Variants in TRAPPC9 observed in about 807,000 individuals in gnomAD.
TRAPPC9 encodes the protein IKK2 binding protein.
TRAPPC9 carries 83 observed loss-of-function variants against 124.0 expected under a neutral mutation model. That is an observed-to-expected ratio of 0.67 (90% CI 0.56 to 0.80). The LOEUF is 0.80. Ranked by LOEUF, TRAPPC9 falls within the 30% of genes least tolerant of loss-of-function variation. TRAPPC9 has a pLI of 0.00. For missense variants in TRAPPC9, 1,302 were observed against 1,508.3 expected, an observed-to-expected ratio of 0.86 and a Z score of 2.27; for synonymous variants, 638 against 617.5, an observed-to-expected ratio of 1.03 and a Z score of -0.49.
chr8:140,228,042 G>A (rs537578274), intron 16 of TRAPPC9, among the ~76,000 whole-genome samples: 2 of 152,318 alleles, frequency 1.3e-5, no homozygotes, highest in East Asian at 1.9e-4. Context: ...TACACCATGC[G>A]TTCCACTAAA....
At chr8:140,169,297 G>GT (rs2061913560) in intron 17 of TRAPPC9, among the ~76,000 whole-genome samples, 1 of 152,178 alleles carries the variant, frequency 6.6e-6, no homozygotes, top group African/African-American at 2.4e-5. Flanking sequence ...ACAAGTGTTG[G>GT]TAAGGGTGTG....
At chr8:140,213,692 A>C (rs997652270) in intron 17 of TRAPPC9, among the ~76,000 whole-genome samples, 1 of 152,128 alleles carries the variant, frequency 6.6e-6, no homozygotes, top group African/African-American at 2.4e-5. Flanking sequence ...ATGTTAAGAG[A>C]TAAGATGTTG....
intron 21 of TRAPPC9, among the ~76,000 whole-genome samples, chr8:139,807,792 A>C (rs1174852825): frequency 6.6e-6 from 1 of 151,918 alleles, no homozygotes; most frequent in Non-Finnish European, 1.5e-5. Flanking sequence ...GGAGGAGCTC[A>C]ATATAAATCA....
At chr8:139,971,804 C>CACAT (rs1836111897) in intron 19 of TRAPPC9, among the ~76,000 whole-genome samples, 16 of 2,198 alleles carry the variant, frequency 7.3e-3, no homozygotes, top group African/African-American at 0.016. Flanking sequence ...TATATATATA[C>CACAT]ATATATATAT....
chr8:140,032,053 T>C (rs142834564), intron 17 of TRAPPC9, among the ~76,000 whole-genome samples: 5 of 152,272 alleles, frequency 3.3e-5, no homozygotes, highest in Non-Finnish European at 7.4e-5. Context: ...GGCCGCCACG[T>C]CCTACCTGCA....
chr8:139,846,705 C>T (rs775459615), intron 21 of TRAPPC9, among the ~76,000 whole-genome samples: 1 of 152,180 alleles, frequency 6.6e-6, no homozygotes, highest in Admixed American at 6.5e-5. Flanking sequence ...CTGACAGACG[C>T]GAGGCCATCC....
At chr8:139,887,805 T>A (rs1830110836) in intron 20 of TRAPPC9, among the ~76,000 whole-genome samples, 1 of 152,200 alleles carries the variant, frequency 6.6e-6, no homozygotes, top group African/African-American at 2.4e-5. Flanking sequence ...AGAGACCTGG[T>A]CTTAGGGCCT....
intron 17 of TRAPPC9, among the ~76,000 whole-genome samples, chr8:140,188,997 C>A (rs2062417231): frequency 6.6e-6 from 1 of 152,194 alleles, no homozygotes; most frequent in South Asian, 2.1e-4. Flanking sequence ...ATGGCTTTGC[C>A]ATCCACAACA....
chr8:139,748,431 T>G (rs1384960091), intron 21 of TRAPPC9, among the ~76,000 whole-genome samples: 4 of 34,170 alleles, frequency 1.2e-4, no homozygotes, highest in Non-Finnish European at 2.3e-4. Context: ...TCAGAGCAGG[T>G]GGGGAGGTGT....
chr8:140,430,987 C>A lies in TRAPPC9; in HGVS notation c.859+4125G>T, dbSNP rs1433078349. Among the ~76,000 whole-genome samples the A allele has an allele frequency of 3.3e-5, 5 of 152,032 alleles. No individual in the cohort carries two copies. The East Asian group carries it at 9.7e-4, about 29-fold the overall frequency. ...TAAGGGCGGAATTTTTATTCTCTACCTTACTCTTGTCTCGTCTCTCAGTTG... is the reference window on the plus strand; with the variant it reads ...TAAGGGCGGAATTTTTATTCTCTACATTACTCTTGTCTCGTCTCTCAGTTG... On this transcript the variant is annotated intron_variant, in intron 4 of 22. Transcript: ENST00000438773.
At chr8:139,741,768 G>A (rs765408745) in intron 21 of TRAPPC9, among the ~76,000 whole-genome samples, 12 of 152,060 alleles carry the variant, frequency 7.9e-5, no homozygotes, top group South Asian at 4.2e-4. Context: ...AAACAGAAGC[G>A]GAGGGCAGTG....
chr8:140,113,395 G>A (rs2060819268), intron 17 of TRAPPC9, among the ~76,000 whole-genome samples: 1 of 152,248 alleles, frequency 6.6e-6, no homozygotes, highest in Admixed American at 6.5e-5. Context: ...GTGGGCCTTT[G>A]AGAATGAAAT....
At chr8:140,145,723 T>C (rs2061452967) in intron 17 of TRAPPC9, among the ~76,000 whole-genome samples, 1 of 152,312 alleles carries the variant, frequency 6.6e-6, no homozygotes, top group South Asian at 2.1e-4. Flanking sequence ...GTTTTTGTTT[T>C]TTTTTAGTAT....
chr8:139,998,189 C>T (rs971154128), intron 18 of TRAPPC9, among the ~76,000 whole-genome samples: 7 of 152,222 alleles, frequency 4.6e-5, no homozygotes, highest in African/African-American at 1.7e-4. Context: ...AAAAGAATGT[C>T]AACTCAGAAG....
intron 19 of TRAPPC9, chr8:139,933,767 G>C (rs2131398445): frequency 2.0e-5 from 3 of 152,342 alleles, no homozygotes; most frequent in Middle Eastern, 6.8e-3. Context: ...ACATATTTGA[G>C]ATTAACCAAA....
intron 9 of TRAPPC9, among the ~76,000 whole-genome samples, chr8:140,330,834 T>C (rs145372920): frequency 5.3e-5 from 8 of 152,322 alleles, no homozygotes; most frequent in Middle Eastern, 3.4e-3. Context: ...GTTCAAACTT[T>C]CTGCTTTTTT....
At chr8:140,285,289 A>T (rs1332158895) in intron 13 of TRAPPC9, among the ~76,000 whole-genome samples, 2 of 151,542 alleles carry the variant, frequency 1.3e-5, no homozygotes, top group Non-Finnish European at 2.9e-5. Flanking sequence ...ACTCCTCGTT[A>T]CTCCTCTCTC....
At chr8:139,932,235 C>T (rs781036803) in intron 19 of TRAPPC9, 4 of 434,196 alleles carry the variant, frequency 9.2e-6, no homozygotes, top group African/African-American at 4.0e-5. Flanking sequence ...GCCACTTCGC[C>T]GTGCAGCCGA....
intron 18 of TRAPPC9, among the ~76,000 whole-genome samples, chr8:139,996,275 T>C (rs910172652): frequency 1.4e-5 from 2 of 143,056 alleles, no homozygotes; most frequent in African/African-American, 5.3e-5. Context: ...GAATATAAGA[T>C]AAACAAAATT....
Sources: allele counts gnomAD v4.1 joint callset (sites outside exome capture counted in the v4.1 genomes callset), GRCh38; gene constraint gnomAD v4.1.1; transcripts MANE v1.5; gene names NCBI Gene and HGNC (gene_info 2026-07-23, HGNC 2026-07-21).